The following SLC8A3 variants were observed in gnomAD, a reference collection of about 807,000 sequenced individuals.
SLC8A3 encodes the protein sodium/calcium exchanger 3.
SLC8A3 carries 37 observed loss-of-function variants against 65.4 expected under a neutral mutation model. That is an observed-to-expected ratio of 0.57 (90% CI 0.44 to 0.74). The LOEUF is 0.74. Among genes scored for constraint, SLC8A3 ranks in the 30% least tolerant of loss-of-function variants. The probability of loss-of-function intolerance (pLI) is 0.00; values close to 1 mark genes in which losing one functional copy is unlikely to be tolerated. For missense variants in SLC8A3, 1,112 were observed against 1,172.1 expected, an observed-to-expected ratio of 0.95 and a Z score of 0.75; for synonymous variants, 461 against 444.5, an observed-to-expected ratio of 1.04 and a Z score of -0.47.
chr14:70,063,095 T>C (rs1889003775), intron 2 of SLC8A3, among the ~76,000 whole-genome samples: 1 of 152,106 alleles, frequency 6.6e-6, no homozygotes, highest in African/African-American at 2.4e-5. Context: ...TGGGGAAGCT[T>C]CCATTTGGGT....
chr14:70,123,932 C>G (rs1334362844), intron 2 of SLC8A3, among the ~76,000 whole-genome samples: 39 of 152,166 alleles, frequency 2.6e-4, no homozygotes, highest in Admixed American at 2.6e-3. Context: ...GGTCTGGCCT[C>G]CCTCCCAGGC....
At chr14:70,119,438 C>A (rs1893892941) in intron 2 of SLC8A3, among the ~76,000 whole-genome samples, 1 of 152,190 alleles carries the variant, frequency 6.6e-6, no homozygotes, top group Non-Finnish European at 1.5e-5. Flanking sequence ...GGGACCCCAC[C>A]CACCTGATAT....
intron 2 of SLC8A3, among the ~76,000 whole-genome samples, chr14:70,083,258 T>C (rs2140013942): frequency 6.6e-6 from 1 of 152,244 alleles, no homozygotes; most frequent in African/African-American, 2.4e-5. Flanking sequence ...TCCGGAGAGC[T>C]CTTTACAGTG....
chr14:70,055,820 G>A (rs372648315), intron 3 of SLC8A3: 7 of 1,609,834 alleles, frequency 4.3e-6, no homozygotes, highest in Non-Finnish European at 5.9e-6. Context: ...AGCGCTGTTT[G>A]CAAATGGATA....
chr14:70,168,580 A>C (rs1163624724), intron 1 of SLC8A3, 96 bp from the exon 2 acceptor site: 1 of 609,630 alleles, frequency 1.6e-6, no homozygotes, highest in Non-Finnish European at 2.9e-6. Context: ...ACCTCCAGTG[A>C]CATATTGCAC....
intron 6 of SLC8A3, chr14:70,048,055 A>G (rs1459246485): frequency 6.5e-6 from 1 of 153,572 alleles, no homozygotes; most frequent in Non-Finnish European, 1.4e-5. Context: ...ATACTGTAAC[A>G]GGCATAATAG....
intron 2 of SLC8A3, among the ~76,000 whole-genome samples, chr14:70,099,601 A>G (rs909833224): frequency 6.6e-6 from 1 of 152,242 alleles, no homozygotes; most frequent in Non-Finnish European, 1.5e-5. Context: ...CTACAAATGT[A>G]GTTAGTACTA....
chr14:70,086,376 C>CTTTACTT (rs1346937580), intron 2 of SLC8A3, among the ~76,000 whole-genome samples: 1 of 149,116 alleles, frequency 6.7e-6, no homozygotes, highest in Non-Finnish European at 1.5e-5. Flanking sequence ...TAATTTCTTT[C>CTTTACTT]TTTTCTTTTT....
At chr14:70,130,991 A>G (rs1383459152) in intron 2 of SLC8A3, among the ~76,000 whole-genome samples, 4 of 152,228 alleles carry the variant, frequency 2.6e-5, no homozygotes, top group African/African-American at 9.6e-5. Context: ...GATGAAGTAG[A>G]TCAAGGAGGT....
rs536756285 is a variant in SLC8A3, at chr14:70,124,815, G to A, written c.1784+41824C>T. On this transcript the variant is annotated intron_variant, in intron 2 of 6. Transcript: ENST00000356921. ...CAAAAGGTGATACTTGCCTAGAGCC[G>A]TGGGTTGAAAAGGTTTATAAGACTA... Among the ~76,000 whole-genome samples, 9 of 152,342 alleles carry A rather than the reference G, an allele frequency of 5.9e-5. No homozygotes were observed. In the South Asian group the frequency reaches 6.2e-4, roughly 11 times the overall value.
chr14:70,065,366 C>T (rs901310491), intron 2 of SLC8A3, among the ~76,000 whole-genome samples: 1 of 152,136 alleles, frequency 6.6e-6, no homozygotes, highest in African/African-American at 2.4e-5. Flanking sequence ...CACCCCACCA[C>T]ATGAACTCCA....
At chr14:70,082,083 A>G (rs887661237) in intron 2 of SLC8A3, among the ~76,000 whole-genome samples, 2 of 152,308 alleles carry the variant, frequency 1.3e-5, no homozygotes. Context: ...ATCTGAAGCT[A>G]TTAGAAGTCA....
intron 2 of SLC8A3, among the ~76,000 whole-genome samples, chr14:70,095,782 G>C (rs960153346): frequency 6.6e-6 from 1 of 152,184 alleles, no homozygotes; most frequent in African/African-American, 2.4e-5. Flanking sequence ...TTGGTTCCAG[G>C]GGAAAAGACA....
rs567072033 is a variant in SLC8A3 at position 70,084,736 on chromosome 14, A to C, written c.1785-23797T>G. ...GAAAATATCCATTGAGAAAGAGGAG[A>C]AACGGAGTTGGAGTGAGAAATTAAG... On this transcript the variant is annotated intron_variant, in intron 2 of 6. Coordinates refer to ENST00000356921, the MANE Select transcript of SLC8A3 (RefSeq NM_182932.3). 2.0e-5 allele frequency among the ~76,000 whole-genome samples: 3 copies of C among 152,332 alleles called. No individual in the cohort carries two copies. The South Asian group carries it at 6.2e-4, about 32-fold the overall frequency.
chr14:70,144,413 T>G (rs1009715324), intron 2 of SLC8A3, among the ~76,000 whole-genome samples: 1 of 148,434 alleles, frequency 6.7e-6, no homozygotes, highest in African/African-American at 2.5e-5. Context: ...GTAGATCACT[T>G]GAGGTCAGGA....
chr14:70,081,524 A>C (rs1172996897), intron 2 of SLC8A3, among the ~76,000 whole-genome samples: 1 of 152,150 alleles, frequency 6.6e-6, no homozygotes, highest in African/African-American at 2.4e-5. Context: ...AAGTTTTCCA[A>C]CTGCCCTCTG....
chr14:70,071,935 C>T (rs1453495556), intron 2 of SLC8A3, among the ~76,000 whole-genome samples: 2 of 152,096 alleles, frequency 1.3e-5, no homozygotes, highest in African/African-American at 2.4e-5. Context: ...TCCCCTTTTG[C>T]TTTGGTATCT....
chr14:70,142,526 C>G (rs1184935973), intron 2 of SLC8A3, among the ~76,000 whole-genome samples: 1 of 152,114 alleles, frequency 6.6e-6, no homozygotes, highest in Admixed American at 6.5e-5. Context: ...TAATCTTGAC[C>G]AAGGAGAAAA....
chr14:70,162,335 C>G (rs1028785476), intron 2 of SLC8A3, among the ~76,000 whole-genome samples: 3 of 152,226 alleles, frequency 2.0e-5, no homozygotes, highest in African/African-American at 7.2e-5. Flanking sequence ...AACTTTCTAT[C>G]ATAGCTAGCC....
Sources: allele counts gnomAD v4.1 joint callset (sites outside exome capture counted in the v4.1 genomes callset), GRCh38; gene constraint gnomAD v4.1.1; transcripts MANE v1.5; gene names NCBI Gene and HGNC (gene_info 2026-07-23, HGNC 2026-07-21).